CSMD1: variants seen among roughly 807,000 people sequenced by gnomAD.
The protein encoded by CSMD1 is CUB and sushi domain-containing protein 1.
Under a neutral mutation model 417.5 loss-of-function variants are expected in CSMD1, and 213 were observed. The ratio of observed to expected loss-of-function variants is 0.51; its 90% CI spans 0.46 to 0.57. The LOEUF is 0.57. Among genes scored for constraint, CSMD1 ranks in the 20% least tolerant of loss-of-function variants. The pLI, the probability that CSMD1 is intolerant of heterozygous loss-of-function variation, is 0.00. For missense variants in CSMD1, 6,923 were observed against 4,529.7 expected (o/e 1.53, Z -15.17); for synonymous variants, 2,862 against 1,736.8 (o/e 1.65, Z -16.11).
At chr8:3,542,844 C>A (rs544378984) in intron 10 of CSMD1, among the ~76,000 whole-genome samples, 1 of 152,304 alleles carries the variant, frequency 6.6e-6, no homozygotes. Context: ...GGTACAAAGC[C>A]CAGGGAGAGC....
intron 1 of CSMD1, among the ~76,000 whole-genome samples, chr8:4,929,690 GTTTTA>G (rs1354995862): frequency 6.6e-6 from 1 of 152,126 alleles, no homozygotes; most frequent in Non-Finnish European, 1.5e-5. Context: ...TTCAGCTTCT[GTTTTA>G]TTTTTATTTT....
chr8:4,910,394 C>T (rs1585310395), intron 1 of CSMD1, among the ~76,000 whole-genome samples: 1 of 152,128 alleles, frequency 6.6e-6, no homozygotes, highest in Admixed American at 6.5e-5. Flanking sequence ...TGCTTATAAA[C>T]AATAGAAATT....
chr8:4,443,033 G>C (rs1329625705), intron 2 of CSMD1, among the ~76,000 whole-genome samples: 1 of 152,122 alleles, frequency 6.6e-6, no homozygotes, highest in Non-Finnish European at 1.5e-5. Flanking sequence ...TAAAGATTTC[G>C]ATTGTAATTG....
intron 3 of CSMD1, among the ~76,000 whole-genome samples, chr8:4,375,683 G>A (rs1802688857): frequency 6.6e-6 from 1 of 152,132 alleles, no homozygotes; most frequent in South Asian, 2.1e-4. Context: ...CCCACAGAGT[G>A]AGAGGGGTAA....
intron 3 of CSMD1, among the ~76,000 whole-genome samples, chr8:4,275,407 G>T (rs1046986940): frequency 6.6e-6 from 1 of 152,054 alleles, no homozygotes; most frequent in Non-Finnish European, 1.5e-5. Context: ...AAGGACAAAG[G>T]AGAATAAATA....
chr8:4,094,051 G>C (rs7011790), intron 3 of CSMD1, among the ~76,000 whole-genome samples: 5,458 of 152,190 alleles, frequency 0.036, 343 homozygotes, highest in African/African-American at 0.12. Flanking sequence ...ATGCACCAGA[G>C]AGCTGGTGTG....
At position 3,948,321 on chromosome 8, in the gene CSMD1, G is replaced by A. The variant is rs149853820; in HGVS notation, c.818+49582C>T. 2.3e-3 allele frequency among the ~76,000 whole-genome samples: 353 copies of A among 152,138 alleles called. 2 individuals carry two copies. The highest frequency in any genetic ancestry group is 7.9e-3 in the African/African-American group (327 of 41,508). Reference sequence around the variant, plus strand: ...TTAGTCTGCATTTGAAGAGTATAAGGGGCTTAGAATTTGGGACAGAGGCTT... The same window carrying A: ...TTAGTCTGCATTTGAAGAGTATAAGAGGCTTAGAATTTGGGACAGAGGCTT... On this transcript the variant is annotated intron_variant, in intron 5 of 69. Transcript: ENST00000635120.
At chr8:3,544,522 T>A (rs959418313) in intron 10 of CSMD1, among the ~76,000 whole-genome samples, 1 of 152,172 alleles carries the variant, frequency 6.6e-6, no homozygotes, top group Non-Finnish European at 1.5e-5. Context: ...CCTTTGCTTT[T>A]GCACTGTGGA....
intron 3 of CSMD1, among the ~76,000 whole-genome samples, chr8:4,360,552 C>G (rs1329410705): frequency 6.6e-6 from 1 of 152,086 alleles, no homozygotes; most frequent in South Asian, 2.1e-4. Context: ...GGCAGTGGCG[C>G]GATCTCGGCT....
At chr8:3,668,514 G>A (rs1235205858) in intron 7 of CSMD1, among the ~76,000 whole-genome samples, 1 of 152,298 alleles carries the variant, frequency 6.6e-6, no homozygotes, top group South Asian at 2.1e-4. Flanking sequence ...TTGTCTGACT[G>A]GGCATTGTAC....
At chr8:4,251,452 C>T (rs1260713477) in intron 3 of CSMD1, among the ~76,000 whole-genome samples, 5 of 152,084 alleles carry the variant, frequency 3.3e-5, no homozygotes, top group African/African-American at 7.2e-5. Flanking sequence ...GCAATTAAGG[C>T]CCCTACACCA....
At position 4,259,646 on chromosome 8, in the gene CSMD1, T is replaced by C. The variant is rs553346719; in HGVS notation, c.415+160307A>G. Reference sequence around the variant, plus strand: ...TAGTCGGAGTCCTTACCCAAAACAATGCCATTCTTCCCCTACTGGCAGTAC... The same window carrying C: ...TAGTCGGAGTCCTTACCCAAAACAACGCCATTCTTCCCCTACTGGCAGTAC... On this transcript the variant is annotated intron_variant, in intron 3 of 69. Transcript: ENST00000635120. Among the ~76,000 whole-genome samples the C allele has an allele frequency of 2.0e-5, 3 of 152,222 alleles. No individual in the cohort carries two copies. In the South Asian group the frequency reaches 6.2e-4, roughly 32 times the overall value.
At chr8:4,165,351 T>C (rs1797394498) in intron 3 of CSMD1, among the ~76,000 whole-genome samples, 1 of 152,242 alleles carries the variant, frequency 6.6e-6, no homozygotes, top group Admixed American at 6.5e-5. Context: ...GTCCCACAAA[T>C]TCCTTAGGAC....
At chr8:3,187,834 G>C (rs372766152) in intron 36 of CSMD1, 35 bp downstream of exon 36, 12 of 1,507,422 alleles carry the variant, frequency 8.0e-6, no homozygotes, top group East Asian at 4.5e-5. Flanking sequence ...TGCAGATTTT[G>C]AGTCACACAG....
chr8:4,291,612 T>G (rs950957509), intron 3 of CSMD1, among the ~76,000 whole-genome samples: 1 of 152,212 alleles, frequency 6.6e-6, no homozygotes, highest in Non-Finnish European at 1.5e-5. Flanking sequence ...TCATTTTTCT[T>G]GTGATATGTT....
At chr8:4,784,798 G>T (rs568424696) in intron 1 of CSMD1, among the ~76,000 whole-genome samples, 167 of 152,140 alleles carry the variant, frequency 1.1e-3, no homozygotes, top group Non-Finnish European at 1.6e-3. Context: ...ATGAAAAGAA[G>T]AATCTCAGCA....
At chr8:4,166,424 A>G (rs1221892552) in intron 3 of CSMD1, among the ~76,000 whole-genome samples, 1 of 152,234 alleles carries the variant, frequency 6.6e-6, no homozygotes, top group Non-Finnish European at 1.5e-5. Flanking sequence ...ACACAATAAT[A>G]GCCATAACAT....
intron 6 of CSMD1, among the ~76,000 whole-genome samples, chr8:3,733,679 G>C (rs762000128): frequency 1.4e-4 from 22 of 152,062 alleles, no homozygotes; most frequent in Non-Finnish European, 3.1e-4. Context: ...GCCTGGAGTT[G>C]GGAGTCACTC....
intron 67 of CSMD1, among the ~76,000 whole-genome samples, chr8:2,949,756 A>C (rs1448819714): frequency 6.6e-6 from 1 of 152,228 alleles, no homozygotes; most frequent in Non-Finnish European, 1.5e-5. Context: ...AGGGTACATC[A>C]TGTATGGCTG....
Sources: allele counts gnomAD v4.1 joint callset (sites outside exome capture counted in the v4.1 genomes callset), GRCh38; gene constraint gnomAD v4.1.1; transcripts MANE v1.5; gene names NCBI Gene and HGNC (gene_info 2026-07-23, HGNC 2026-07-21).